Variants in SHISA9 observed in about 807,000 individuals in gnomAD.
SHISA9 encodes shisa family member 9, also known as protein shisa-9.
In SHISA9, 13 loss-of-function variants were observed where a neutral mutation model predicts 38.0. The ratio of observed to expected loss-of-function variants is 0.34; its 90% CI spans 0.22 to 0.54. The LOEUF is 0.54. SHISA9 is among the 20% of genes least tolerant of loss of function. SHISA9 has a pLI of 0.91. For synonymous variants in SHISA9, 275 were observed against 242.0 expected, an observed-to-expected ratio of 1.14 and a Z score of -1.27; for missense variants, 538 against 575.8, an observed-to-expected ratio of 0.93 and a Z score of 0.67.
At chr16:13,552,925 C>T in the SHISA9 span, among the ~76,000 whole-genome samples, 13 of 151,972 alleles carry the variant, frequency 8.6e-5, no homozygotes, top group African/African-American at 2.9e-4. Flanking sequence ...GTTTCTCAAC[C>T]ACAGGCGCTA....
At chr16:13,126,752 AGAG>A (rs1415992845) in intron 2 of SHISA9, among the ~76,000 whole-genome samples, 1 of 135,742 alleles carries the variant, frequency 7.4e-6, no homozygotes, top group East Asian at 2.5e-4. Context: ...TGAGGGAAGA[AGAG>A]AGAGAGAGGG....
chr16:13,283,539 A>C, the SHISA9 span, among the ~76,000 whole-genome samples: 2 of 152,082 alleles, frequency 1.3e-5, no homozygotes, highest in Non-Finnish European at 2.9e-5. Flanking sequence ...AGAGCCAAGC[A>C]AAAGGGGTTT....
At chr16:13,017,274 C>A (rs2072769728) in intron 2 of SHISA9, among the ~76,000 whole-genome samples, 1 of 152,206 alleles carries the variant, frequency 6.6e-6, no homozygotes, top group East Asian at 1.9e-4. Context: ...CCCGCCTTGG[C>A]CTCCCAAAGG....
At chr16:13,192,175 A>G (rs1473874563) in intron 2 of SHISA9, among the ~76,000 whole-genome samples, 1 of 152,124 alleles carries the variant, frequency 6.6e-6, no homozygotes, top group East Asian at 1.9e-4. Flanking sequence ...CTAAACAGTA[A>G]GTATGCAGGG....
At chr16:13,268,183 A>T in the SHISA9 span, among the ~76,000 whole-genome samples, 3 of 152,042 alleles carry the variant, frequency 2.0e-5, no homozygotes, top group Non-Finnish European at 4.4e-5. Context: ...GGCCAGGGAG[A>T]TGTTTGGCAT....
At chr16:13,132,237 A>G (rs1286770006) in intron 2 of SHISA9, among the ~76,000 whole-genome samples, 1 of 152,146 alleles carries the variant, frequency 6.6e-6, no homozygotes, top group East Asian at 1.9e-4. Context: ...TCATTTGTAG[A>G]ATGGGGATAG....
At chr16:13,230,983 C>A (rs2051326501) in intron 4 of SHISA9, among the ~76,000 whole-genome samples, 2 of 152,144 alleles carry the variant, frequency 1.3e-5, no homozygotes, top group African/African-American at 4.8e-5. Flanking sequence ...TTCTTTACTG[C>A]AACCTGTTTT....
the SHISA9 span, among the ~76,000 whole-genome samples, chr16:13,532,106 T>C: frequency 1.3e-5 from 2 of 152,216 alleles, no homozygotes; most frequent in South Asian, 4.1e-4. Context: ...ATTTGACTCA[T>C]TATCTCCCTG....
intron 2 of SHISA9, among the ~76,000 whole-genome samples, chr16:13,106,664 C>T (rs2073927941): frequency 6.6e-6 from 1 of 152,112 alleles, no homozygotes; most frequent in South Asian, 2.1e-4. Flanking sequence ...TTACCCTGAT[C>T]ACAGGGATTG....
At chr16:13,323,070 C>G in the SHISA9 span, among the ~76,000 whole-genome samples, 2 of 152,158 alleles carry the variant, frequency 1.3e-5, no homozygotes, top group African/African-American at 4.8e-5. Context: ...CAACCCCCAG[C>G]TCAATGTTAG....
At chr16:13,343,085 G>T in the SHISA9 span, among the ~76,000 whole-genome samples, 3 of 152,126 alleles carry the variant, frequency 2.0e-5, no homozygotes, top group African/African-American at 7.2e-5. Flanking sequence ...AACTATTGTT[G>T]TTGTTAATAT....
chr16:13,374,480 A>G, the SHISA9 span, among the ~76,000 whole-genome samples: 1 of 152,096 alleles, frequency 6.6e-6, no homozygotes, highest in Non-Finnish European at 1.5e-5. Context: ...CCATGTCCCT[A>G]CAAAGGACAT....
the SHISA9 span, among the ~76,000 whole-genome samples, chr16:13,302,910 CT>C: frequency 6.6e-6 from 1 of 152,120 alleles, no homozygotes; most frequent in East Asian, 1.9e-4. Context: ...GCTCTTCCCC[CT>C]TTACACGCTC....
intron 1 of SHISA9, chr16:12,908,648 C>A: frequency 3.9e-6 from 6 of 1,549,136 alleles, no homozygotes; most frequent in Non-Finnish European, 5.2e-6. Context: ...TTCCAGACTT[C>A]TCAGATCACA....
chr16:12,924,749 C>T (rs1261390961), intron 2 of SHISA9, among the ~76,000 whole-genome samples: 1 of 152,126 alleles, frequency 6.6e-6, no homozygotes, highest in Non-Finnish European at 1.5e-5. Flanking sequence ...ATAGATGGAT[C>T]TCTGACATTG....
At chr16:13,528,427 G>GA in the SHISA9 span, among the ~76,000 whole-genome samples, 5 of 151,408 alleles carry the variant, frequency 3.3e-5, no homozygotes, top group Non-Finnish European at 5.9e-5. Flanking sequence ...AAAAAAATAA[G>GA]AAAAAAAGTC....
chr16:13,020,518 T>G (rs1387159879), intron 2 of SHISA9, among the ~76,000 whole-genome samples: 1 of 152,220 alleles, frequency 6.6e-6, no homozygotes, highest in African/African-American at 2.4e-5. Context: ...GCTCCATCCA[T>G]GGTGTCTCTT....
At chr16:13,188,302 T>C (rs2050848142) in intron 2 of SHISA9, among the ~76,000 whole-genome samples, 1 of 152,202 alleles carries the variant, frequency 6.6e-6, no homozygotes, top group African/African-American at 2.4e-5. Context: ...ACACAGCAGG[T>C]GCCTGCAAAA....
rs745984696 is a variant in SHISA9 at position 13,198,624 on chromosome 16, ACT to A, written c.692-4768_692-4767del. ...CCCTAGCTGAATATATTTGTGGAAAACTCACAAAGCAACTGGGTTGCCAGGTC... is the reference window on the plus strand; with the variant it reads ...CCCTAGCTGAATATATTTGTGGAAAACACAAAGCAACTGGGTTGCCAGGTC... On this transcript the variant is annotated intron_variant, in intron 2 of 4. Transcript: ENST00000558583. 2.3e-3 allele frequency among the ~76,000 whole-genome samples: 353 copies of A among 152,178 alleles called. 2 individuals are homozygous for A. Among genetic ancestry groups the A allele is most frequent in the Non-Finnish European group, 4.0e-3 (274 of 67,994 alleles).
Sources: allele counts gnomAD v4.1 joint callset (sites outside exome capture counted in the v4.1 genomes callset), GRCh38; gene constraint gnomAD v4.1.1; transcripts MANE v1.5; gene names NCBI Gene and HGNC (gene_info 2026-07-23, HGNC 2026-07-21).